The following LMO7 variants were observed in gnomAD, a reference collection of about 807,000 sequenced individuals.
LMO7 encodes the protein LIM domain 7.
A neutral mutation model predicts 206.5 loss-of-function variants in LMO7; 120 were observed. The ratio of observed to expected loss-of-function variants is 0.58; its 90% CI spans 0.50 to 0.68. LMO7 has a LOEUF of 0.68. LMO7 is among the 30% of genes least tolerant of loss of function. The pLI is 0.00. For synonymous variants in LMO7, 706 were observed against 681.5 expected (o/e 1.04, Z -0.56); for missense variants, 1,959 against 1,957.9 (o/e 1.00, Z -0.01).
chr13:75,644,402 C>T (rs1189347334), intron 1 of LMO7, among the ~76,000 whole-genome samples: 1 of 152,116 alleles, frequency 6.6e-6, no homozygotes, highest in East Asian at 1.9e-4. Context: ...ACTCTGCTGC[C>T]TGGGAGTGGC....
At chr13:75,713,322 T>G in intron 2 of LMO7, 70 bp downstream of exon 2, 1 of 1,143,894 alleles carries the variant, frequency 8.7e-7, no homozygotes. Flanking sequence ...GATGAGGTGT[T>G]TGGCTCCTCC....
chr13:75,687,320 G>A (rs1472427447), intron 1 of LMO7, among the ~76,000 whole-genome samples: 1 of 152,014 alleles, frequency 6.6e-6, no homozygotes, highest in Non-Finnish European at 1.5e-5. Context: ...AAGTTTTGAA[G>A]GAAAAAACAG....
intron 4 of LMO7, among the ~76,000 whole-genome samples, chr13:75,776,171 A>G (rs2050408740): frequency 2.3e-5 from 1 of 43,476 alleles, no homozygotes; most frequent in Non-Finnish European, 4.4e-5. Flanking sequence ...GGATATATAT[A>G]TATATATATA....
intron 13 of LMO7, 52 bp downstream of exon 13, chr13:75,819,587 T>G (rs2057377799): frequency 1.4e-6 from 2 of 1,445,236 alleles, no homozygotes; most frequent in Non-Finnish European, 1.8e-6. Context: ...ATGCCAGTGT[T>G]ATAAATAGAT....
chr13:75,708,798 A>G (rs1191774238), intron 1 of LMO7, among the ~76,000 whole-genome samples: 1 of 151,806 alleles, frequency 6.6e-6, no homozygotes, highest in African/African-American at 2.4e-5. Context: ...TTTCTTTTTT[A>G]TTTATTTATT....
intron 1 of LMO7, among the ~76,000 whole-genome samples, chr13:75,690,800 T>C (rs1481513919): frequency 1.3e-5 from 2 of 152,224 alleles, no homozygotes; most frequent in African/African-American, 4.8e-5. Flanking sequence ...GTTTGTCAGT[T>C]CGTTTGTCTT....
chr13:75,735,784 T>C (rs1262838374), intron 3 of LMO7, among the ~76,000 whole-genome samples: 2 of 151,936 alleles, frequency 1.3e-5, no homozygotes, highest in East Asian at 1.9e-4. Flanking sequence ...GGAGGAAATA[T>C]TCAGTTTAAT....
At chr13:75,659,835 T>C (rs1162633886) in intron 1 of LMO7, among the ~76,000 whole-genome samples, 5 of 152,254 alleles carry the variant, frequency 3.3e-5, no homozygotes, top group Non-Finnish European at 4.4e-5. Flanking sequence ...TCTTTTATAT[T>C]CTTAAGTGAA....
intron 11 of LMO7, 35 bp downstream of exon 11, chr13:75,809,218 GTGT>G (rs2055967715): frequency 6.4e-7 from 1 of 1,574,364 alleles, no homozygotes; most frequent in South Asian, 1.1e-5. Context: ...AAATCTGTGC[GTGT>G]TGTTTGTTCT....
chr13:75,793,814 T>A (rs2053625927), intron 4 of LMO7, among the ~76,000 whole-genome samples: 1 of 152,204 alleles, frequency 6.6e-6, no homozygotes, highest in Admixed American at 6.5e-5. Context: ...CCTCTTCTAA[T>A]CTCTTCTGTC....
chr13:75,696,313 C>A (rs1366555362), intron 1 of LMO7, among the ~76,000 whole-genome samples: 1 of 151,992 alleles, frequency 6.6e-6, no homozygotes, highest in Non-Finnish European at 1.5e-5. Flanking sequence ...CGAGATTGTG[C>A]CATTGCACTC....
chr13:75,723,314 A>G (rs1321240936), intron 2 of LMO7, among the ~76,000 whole-genome samples: 2 of 152,192 alleles, frequency 1.3e-5, no homozygotes, highest in African/African-American at 2.4e-5. Flanking sequence ...TATATTTAGA[A>G]AATGTATGTG....
At chr13:75,623,410 G>T in intron 2 of LMO7, 1 of 697,008 alleles carries the variant, frequency 1.4e-6, no homozygotes, top group Non-Finnish European at 2.6e-6. Flanking sequence ...GTTGCCCAGG[G>T]TGGAGTGCAG....
chr13:75,634,478 C>G (rs547681693), upstream of LMO7, among the ~76,000 whole-genome samples: 144 of 151,996 alleles, frequency 9.5e-4, no homozygotes, highest in Non-Finnish European at 1.0e-3. Flanking sequence ...CGGTGGCTCA[C>G]GCCTGTAATC....
At chr13:75,856,398 C>T in intron 29 of LMO7, 108 bp from the exon 30 acceptor site, 1 of 672,832 alleles carries the variant, frequency 1.5e-6, no homozygotes, top group Non-Finnish European at 2.6e-6. Flanking sequence ...TGAAATGTAT[C>T]TAAGAGCTTA....
At position 75,823,892 on chromosome 13, in the gene LMO7, T is replaced by C. The variant is rs750988850; in HGVS notation, c.2949+19T>C. 4 of 1,599,110 alleles carry C rather than the reference T, an allele frequency of 2.5e-6. No individual in the cohort carries two copies. Among genetic ancestry groups the C allele is most frequent in the East Asian group, 4.5e-5 (2 of 44,740 alleles). On this transcript the variant is annotated intron_variant, in intron 15 of 30. Coordinates refer to ENST00000377534, the MANE Select transcript of LMO7 (RefSeq NM_001306080.2). The stretch of plus-strand genomic sequence containing the variant: ...ATCCCAGGTGAGTTTGGAAAAGTTC[T>C]TTATCATCTGTGGCTCAGACACTTA...
chr13:75,826,571 C>G (rs1481861347), intron 15 of LMO7, among the ~76,000 whole-genome samples: 1 of 152,178 alleles, frequency 6.6e-6, no homozygotes, highest in East Asian at 1.9e-4. Flanking sequence ...CTCTCACTCC[C>G]TTTGTAGCGC....
intron 4 of LMO7, among the ~76,000 whole-genome samples, chr13:75,782,454 C>G (rs1440118336): frequency 3.3e-5 from 5 of 152,314 alleles, no homozygotes; most frequent in Admixed American, 3.3e-4. Context: ...GTGAATAACA[C>G]TGAATATAGA....
At chr13:75,730,003 T>C (rs555106653) in intron 3 of LMO7, among the ~76,000 whole-genome samples, 6 of 152,180 alleles carry the variant, frequency 3.9e-5, no homozygotes, top group East Asian at 3.9e-4. Context: ...GGATAAGCTT[T>C]TTGATGTGCT....
Sources: allele counts gnomAD v4.1 joint callset (sites outside exome capture counted in the v4.1 genomes callset), GRCh38; gene constraint gnomAD v4.1.1; transcripts MANE v1.5; gene names NCBI Gene and HGNC (gene_info 2026-07-23, HGNC 2026-07-21).